The following RHOA variants were observed in gnomAD, a reference collection of about 807,000 sequenced individuals.
The protein encoded by RHOA is ras homolog family member A.
RHOA carries 3 observed loss-of-function variants against 17.5 expected under a neutral mutation model. That is an observed-to-expected ratio of 0.17 (90% confidence interval 0.08 to 0.44). The LOEUF is 0.44. Among genes scored for constraint, RHOA ranks in the 20% least tolerant of loss-of-function variants. The probability of loss-of-function intolerance (pLI) is 0.99; values close to 1 mark genes in which losing one functional copy is unlikely to be tolerated. For synonymous variants in RHOA, 98 were observed against 88.4 expected, an observed-to-expected ratio of 1.11 and a Z score of -0.61; for missense variants, 56 against 242.3, an observed-to-expected ratio of 0.23 and a Z score of 5.10.
intron 1 of RHOA, among the ~76,000 whole-genome samples, chr3:49,398,839 C>CAA (rs71080506): frequency 0.015 from 548 of 35,666 alleles, 79 homozygotes; most frequent in East Asian, 0.062. Flanking sequence ...GACTCCGTCT[C>CAA]AAAAAAAAAA....
At chr3:49,387,481 A>G (rs2048419137) in intron 1 of RHOA, among the ~76,000 whole-genome samples, 1 of 147,254 alleles carries the variant, frequency 6.8e-6, no homozygotes, top group Admixed American at 6.9e-5. Context: ...GCGGTGGCTC[A>G]TGCCTGTAAT....
intron 2 of RHOA, 110 bp downstream of exon 2, chr3:49,375,324 C>A (rs1446536467): frequency 2.1e-5 from 21 of 998,646 alleles, no homozygotes; most frequent in Non-Finnish European, 5.7e-6. Flanking sequence ...TTCTTTCCAA[C>A]ATTTTTGTTA....
Sources: gnomAD v4.1 joint callset for allele counts (sites outside exome capture counted in the v4.1 genomes callset) on GRCh38, gnomAD v4.1.1 for gene constraint, MANE v1.5 for transcripts, NCBI Gene and HGNC (gene_info 2026-07-23, HGNC 2026-07-21) for gene names.